Variants in KIF24 observed in about 807,000 individuals in gnomAD.
KIF24 encodes the protein kinesin family member 24.
A neutral mutation model predicts 118.9 loss-of-function variants in KIF24; 81 were observed. The observed-to-expected ratio is 0.68, with a 90% CI of 0.57 to 0.82. The LOEUF (loss-of-function observed/expected upper bound fraction) is 0.82. KIF24 is among the 40% of genes least tolerant of loss of function. KIF24 has a pLI of 0.00. For synonymous variants in KIF24, 599 were observed against 610.0 expected, an observed-to-expected ratio of 0.98 and a Z score of 0.27; for missense variants, 1,560 against 1,661.6, an observed-to-expected ratio of 0.94 and a Z score of 1.06.
At chr9:34,304,254 A>G (rs1465932209) in intron 3 of KIF24, among the ~76,000 whole-genome samples, 2 of 152,360 alleles carry the variant, frequency 1.3e-5, no homozygotes, top group South Asian at 2.1e-4. Flanking sequence ...GGAAGAAAAA[A>G]GAAAAAGAAG....
chr9:34,300,646 G>A (rs556973239), intron 3 of KIF24, among the ~76,000 whole-genome samples: 58 of 152,136 alleles, frequency 3.8e-4, no homozygotes, highest in African/African-American at 1.4e-3. Context: ...GGGATTACAG[G>A]TGTGAGCCAC....
At chr9:34,259,406 G>C (rs951680230) in intron 10 of KIF24, among the ~76,000 whole-genome samples, 190 bp downstream of exon 10, 1 of 152,256 alleles carries the variant, frequency 6.6e-6, no homozygotes, top group East Asian at 1.9e-4. Context: ...CCAGGTCACA[G>C]TCTTCAAATG....
upstream of KIF24, among the ~76,000 whole-genome samples, chr9:34,332,892 A>G (rs1014709121): frequency 3.3e-5 from 5 of 152,086 alleles, no homozygotes; most frequent in African/African-American, 1.2e-4. Flanking sequence ...AGCTTTACTC[A>G]TGGGTGGGTG....
chr9:34,259,494 C>A, intron 10 of KIF24, 102 bp downstream of exon 10: 1 of 815,880 alleles, frequency 1.2e-6, no homozygotes, highest in East Asian at 2.5e-5. Context: ...CATGTGCATG[C>A]ACTTGCACAC....
chr9:34,313,694 C>T (rs901268758), intron 1 of KIF24, among the ~76,000 whole-genome samples: 14 of 150,828 alleles, frequency 9.3e-5, no homozygotes, highest in Non-Finnish European at 1.9e-4. Flanking sequence ...AAAAACTTCC[C>T]ATATATCCCC....
chr9:34,296,363 A>G (rs1836478648), intron 4 of KIF24, among the ~76,000 whole-genome samples: 1 of 150,322 alleles, frequency 6.7e-6, no homozygotes, highest in South Asian at 2.1e-4. Flanking sequence ...CATCTCTACT[A>G]AAAATACAAA....
At chr9:34,266,380 C>CA (rs1267762290) in intron 8 of KIF24, among the ~76,000 whole-genome samples, 1 of 152,044 alleles carries the variant, frequency 6.6e-6, no homozygotes, top group African/African-American at 2.4e-5. Context: ...ATTTCCGTCT[C>CA]AAAAAAACCA....
At position 34,321,755 on chromosome 9, in the gene KIF24, T is replaced by G. The variant is rs571033255; in HGVS notation, c.-26+7351A>C. 1.8e-3 allele frequency among the ~76,000 whole-genome samples: 267 copies of G among 152,060 alleles called. 1 individual carries two copies. Among genetic ancestry groups the G allele is most frequent in the Non-Finnish European group, 3.2e-3 (216 of 67,968 alleles). On this transcript the variant is annotated intron_variant, in intron 1 of 12. Coordinates refer to ENST00000402558, the MANE Select transcript of KIF24 (RefSeq NM_194313.4). ...CCAAGTAGCTGGGACTACAGGTGCA[T>G]GCCACCAAACCTGACTAATTTTTTT...
At chr9:34,301,959 A>G (rs1183895047) in intron 3 of KIF24, among the ~76,000 whole-genome samples, 8 of 151,372 alleles carry the variant, frequency 5.3e-5, no homozygotes, top group Admixed American at 4.6e-4. Flanking sequence ...TTCAGATTTC[A>G]GTGTCATCTT....
intron 6 of KIF24, among the ~76,000 whole-genome samples, chr9:34,275,302 G>A (rs1306639054): frequency 6.6e-6 from 1 of 152,166 alleles, no homozygotes; most frequent in Non-Finnish European, 1.5e-5. Context: ...GCTGAGGCAT[G>A]AGAATTGCTT....
At chr9:34,271,325 C>CAAAAAAA (rs58895274) in intron 7 of KIF24, among the ~76,000 whole-genome samples, 9 of 107,326 alleles carry the variant, frequency 8.4e-5, no homozygotes, top group South Asian at 2.7e-4. Context: ...AGCAATCCAG[C>CAAAAAAA]AAAAAAAAAA....
At chr9:34,295,503 C>A (rs1836432186) in intron 4 of KIF24, among the ~76,000 whole-genome samples, 1 of 152,190 alleles carries the variant, frequency 6.6e-6, no homozygotes, top group East Asian at 1.9e-4. Flanking sequence ...ATGGCAAAAC[C>A]CCATCTCTAA....
rs1834699985 is a variant in KIF24, at chr9:34,253,700, C to T, written c.*680G>A. On this transcript the variant is annotated 3_prime_UTR_variant, in exon 13 of 13. Coordinates refer to ENST00000402558, the MANE Select transcript of KIF24 (RefSeq NM_194313.4). ...AAAAATTGATGTGTGACACAGGCACCCTCTTCTGCCTCAACACTGGATTGC... is the reference window on the plus strand; with the variant it reads ...AAAAATTGATGTGTGACACAGGCACTCTCTTCTGCCTCAACACTGGATTGC... The T allele has an allele frequency of 6.6e-6, 1 of 152,202 alleles. No homozygotes were observed. The highest frequency in any genetic ancestry group is 2.4e-5 in the African/African-American group (1 of 41,428). The allele number at this position is 152,202 out of a possible 1,614,324, so 9.4% of individuals were successfully genotyped here. A position where few individuals can be genotyped will look rare whatever the true frequency, so the allele number is the denominator to read the frequency against.
Position 34,269,261 on chromosome 9 carries a change from A to G in KIF24, c.1439T>C (p.Leu480Pro), listed in dbSNP as rs770515628. ...MEGAEINQSL[L>P]ALKECIRALD... is the part of the protein sequence containing the mutation. ...TAAAGATTTTGAACAACTTACAGCC[A>G]GTAGACTCTGATTTATTTCTGCACC... The change falls in exon 8 of 13, where the codon CTG (leucine) becomes CCG (proline). Residue 480 changes from leucine (L) to proline (P), a missense_variant. Around this residue, in one of 3 missense-constraint regions of KIF24, gnomAD observed 964 missense variants for 988.0 expected, o/e 0.98. Coordinates refer to ENST00000402558, the MANE Select transcript of KIF24 (RefSeq NM_194313.4). 1.3e-6 allele frequency: 2 copies of G among 1,588,604 alleles called. No individual in the cohort carries two copies. The highest frequency in any genetic ancestry group is 2.2e-5 in the South Asian group (2 of 90,038).
chr9:34,259,697 C>T lies in KIF24; in HGVS notation c.1524G>A (p.Lys508=). The change falls in exon 10 of 13, where the codon AAG becomes AAA. Residue 508 remains lysine (K), a synonymous_variant. Coordinates refer to ENST00000402558, the MANE Select transcript of KIF24 (RefSeq NM_194313.4). ...FRQSKLTQVL[K]DSFIGNAKTC... is the part of the protein sequence containing the mutation. ...TTTTGGCATTGCCGATGAAAGAGTC[C>T]TTCAGGACCTGTCCAAAACAGAAGG... The T allele has an allele frequency of 6.2e-7, 1 of 1,612,492 alleles. No homozygotes were observed. Among genetic ancestry groups the T allele is most frequent in the Admixed American group, 1.7e-5 (1 of 60,008 alleles).
At chr9:34,313,894 C>T (rs552955765) in intron 1 of KIF24, among the ~76,000 whole-genome samples, 5 of 150,146 alleles carry the variant, frequency 3.3e-5, no homozygotes, top group East Asian at 2.0e-4. Context: ...ACTACAGGTG[C>T]GCACCACCAC....
Position 34,254,495 on chromosome 9 carries a change from A to G in KIF24, c.3992T>C (p.Leu1331Pro), listed in dbSNP as rs1232365463. 6.2e-7 allele frequency: 1 copy of G among 1,613,816 alleles called. No individual in the cohort carries two copies. Among genetic ancestry groups the G allele is most frequent in the East Asian group, 2.2e-5 (1 of 44,848 alleles). Residue 1331 changes from leucine (L) to proline (P), a missense_variant, in exon 13 of 13, where the codon CTG (leucine) becomes CCG (proline). Physicochemically the swap from Leu to Pro is moderately conservative, Grantham distance 98. Around this residue, in one of 3 missense-constraint regions of KIF24, gnomAD observed 591 missense variants for 655.6 expected, o/e 0.90. Transcript: ENST00000402558. ...GGATTTCAGAACCATGATTTCATCC[A>G]GCTGGGTCACAAAATCTTCAAAATC... ...SNDFEDFVTQ[L>P]DEIMVLKSKC... is the part of the protein sequence containing the mutation.
chr9:34,317,321 C>T (rs1272569597), intron 1 of KIF24, among the ~76,000 whole-genome samples: 3 of 151,256 alleles, frequency 2.0e-5, no homozygotes, highest in South Asian at 4.2e-4. Flanking sequence ...CCGTGGGAGG[C>T]GGACATTGCA....
intron 2 of KIF24, among the ~76,000 whole-genome samples, chr9:34,309,767 T>A (rs1426407125): frequency 6.6e-6 from 1 of 152,162 alleles, no homozygotes; most frequent in Non-Finnish European, 1.5e-5. Flanking sequence ...ATATTTTTAC[T>A]GTTAAAACTG....
Sources: allele counts gnomAD v4.1 joint callset (sites outside exome capture counted in the v4.1 genomes callset), GRCh38; gene constraint gnomAD v4.1.1; regional missense constraint gnomAD v4.1.1; transcripts MANE v1.5; gene names NCBI Gene and HGNC (gene_info 2026-07-23, HGNC 2026-07-21).